Variants in HEATR6 observed in about 807,000 individuals in gnomAD.
The protein encoded by HEATR6 is HEAT repeat-containing protein 6.
A neutral mutation model predicts 132.8 loss-of-function variants in HEATR6; 106 were observed. The ratio of observed to expected loss-of-function variants is 0.80; its 90% CI spans 0.68 to 0.94. The LOEUF is 0.94. HEATR6 is among the 40% of genes least tolerant of loss of function. The probability of loss-of-function intolerance (pLI) is 0.00; values close to 1 mark genes in which losing one functional copy is unlikely to be tolerated. For synonymous variants in HEATR6, 529 were observed against 537.8 expected, an observed-to-expected ratio of 0.98 and a Z score of 0.23; for missense variants, 1,339 against 1,425.1, an observed-to-expected ratio of 0.94 and a Z score of 0.97.
In HEATR6 at chr17:60,056,150, C is replaced by G. The variant is rs763662691; in HGVS notation, c.2167G>C (p.Glu723Gln). Residue 723 changes from glutamate (E) to glutamine (Q), a missense_variant, in exon 13 of 20, where the codon GAA (glutamate) becomes CAA (glutamine). Glu to Gln is a conservative substitution (Grantham distance 29, BLOSUM62 2). Transcript: ENST00000184956. Reference sequence around the variant, plus strand: ...TGAAGCTGAATGGATGGATCTGCTTCCCCCATGCACTTGCAAATCACCTCT... The same window carrying G: ...TGAAGCTGAATGGATGGATCTGCTTGCCCCATGCACTTGCAAATCACCTCT... ...LGEVICKCMG[E>Q]ADPSIQLHGA... The G allele has an allele frequency of 3.1e-6, 5 of 1,614,050 alleles. No homozygotes were observed. In the Middle Eastern group the frequency reaches 8.2e-4, roughly 266 times the overall value.
rs769447556 is a variant in HEATR6, at chr17:60,057,163, C to G, written c.1964G>C (p.Arg655Pro). The G allele has an allele frequency of 6.2e-7, 1 of 1,614,134 alleles. No individual in the cohort carries two copies. Among genetic ancestry groups the G allele is most frequent in the Admixed American group, 1.7e-5 (1 of 60,014 alleles). ...CAGTACGACAATGGAAATGCAGAGTCGAATGAGCCAGCAGGGCTCTGAAGA... is the reference window on the plus strand; with the variant it reads ...CAGTACGACAATGGAAATGCAGAGTGGAATGAGCCAGCAGGGCTCTGAAGA... ...KGSSEPCWLI[R>P]LCISIVVLPK... Residue 655 changes from arginine to proline, a missense_variant, in exon 12 of 20, where the codon CGA (arginine) becomes CCA (proline). Arg to Pro is a moderately radical substitution (Grantham distance 103). Transcript: ENST00000184956.
Position 60,057,125 on chromosome 17 carries a change from A to T in HEATR6, c.2002T>A (p.Ser668Thr). ...GAGCCAGCATCGCTACCTGAACAGG[A>T]ATCCTCCTTGGGCAGTACGACAATG... ...ISIVVLPKED[S>T]CSGSDAGSAA... is the part of the protein sequence containing the mutation. The change falls in exon 12 of 20, where the codon TCC (serine) becomes ACC (threonine). Residue 668 changes from serine to threonine, a missense_variant. Physicochemically the swap from Ser to Thr is moderately conservative, Grantham distance 58 (BLOSUM62 1). Transcript: ENST00000184956. 1 of 1,614,162 alleles carries T rather than the reference A, an allele frequency of 6.2e-7. No individual in the cohort carries two copies. The highest frequency in any genetic ancestry group is 8.5e-7 in the Non-Finnish European group (1 of 1,180,020).
chr17:60,063,259 G>A (rs7212702), intron 9 of HEATR6: 18,292 of 151,994 alleles, frequency 0.12, 1,625 homozygotes, highest in African/African-American at 0.25. Context: ...ATAGTTATCT[G>A]AAACAGCAAT....
Position 60,059,929 on chromosome 17 carries a change from C to A in HEATR6, c.1584G>T (p.Val528=). Residue 528 remains valine, a synonymous_variant, in exon 10 of 20, where the codon GTG becomes GTT. Transcript: ENST00000184956. ...TAACGGTCTGTGAGGATGACTCCGCCACCAAAGCTAACAAAAGACATCTGT... is the reference window on the plus strand; with the variant it reads ...TAACGGTCTGTGAGGATGACTCCGCAACCAAAGCTAACAAAAGACATCTGT... ...ELHRCLLLAL[V]AESSSQTVTQ... 3.1e-6 allele frequency: 5 copies of A among 1,613,782 alleles called. No individual in the cohort carries two copies. The highest frequency in any genetic ancestry group is 4.2e-6 in the Non-Finnish European group (5 of 1,179,798).
At chr17:60,044,185 G>C in intron 19 of HEATR6, 51 bp from the exon 20 acceptor site, 1 of 1,413,076 alleles carries the variant, frequency 7.1e-7, no homozygotes, top group Non-Finnish European at 9.8e-7. Context: ...GAACTAGGTG[G>C]GGTGAGAGGG....
chr17:60,055,670 T>C (rs1906719174), intron 13 of HEATR6, 69 bp from the exon 14 acceptor site: 2 of 1,061,712 alleles, frequency 1.9e-6, no homozygotes, highest in South Asian at 2.8e-5. Flanking sequence ...AGTAACACCT[T>C]CACTCTAGTA....
rs2083277757 is a variant in HEATR6 at position 60,073,065 on chromosome 17, C to T, written c.584+99G>A. 5 of 648,676 alleles carry T rather than the reference C, an allele frequency of 7.7e-6. No individual in the cohort carries two copies. In the East Asian group the frequency reaches 1.0e-4, roughly 14 times the overall value. 40.2% of individuals were successfully genotyped at this position (648,676 alleles called of 1,614,324 possible). ...GGGAAATGCAAAGTTAGTTATTTGT[C>T]TAAGTTGGCTCTGGCTTCAGGCACA... On this transcript the variant is annotated intron_variant, in intron 4 of 19. Transcript: ENST00000184956.
intron 13 of HEATR6, 89 bp from the exon 14 acceptor site, chr17:60,055,690 C>G: frequency 1.2e-6 from 1 of 807,996 alleles, no homozygotes; most frequent in South Asian, 1.7e-5. Flanking sequence ...AACACCTTCA[C>G]TCTAGTAACA....
intron 10 of HEATR6, 72 bp from the exon 11 acceptor site, chr17:60,059,593 T>C (rs1470116839): frequency 9.3e-7 from 1 of 1,072,976 alleles, no homozygotes; most frequent in Admixed American, 2.4e-5. Context: ...TTGCAGCATT[T>C]AATTAAAAAA....
Position 60,073,193 on chromosome 17 carries a change from T to C in HEATR6, c.555A>G (p.Ala185=), listed in dbSNP as rs764110769. ...GACATAAGTTTGCCATACAATGTAC[T>C]GCAGCTCTCCTGACTTCAGGATCAG... The part of the protein sequence containing the change: ...AQSDPEVRRA[A]VHCMANLCLS... The change falls in exon 4 of 20, where the codon GCA becomes GCG. Residue 185 remains alanine, a synonymous_variant. Coordinates refer to ENST00000184956, the MANE Select transcript of HEATR6 (RefSeq NM_022070.5). 35 of 1,611,674 alleles carry C rather than the reference T, an allele frequency of 2.2e-5. 1 individual carries two copies. The Admixed American group carries it at 2.5e-4, about 12-fold the overall frequency.
intron 14 of HEATR6, among the ~76,000 whole-genome samples, chr17:60,054,484 A>C (rs1443306963): frequency 6.6e-6 from 1 of 152,252 alleles, no homozygotes; most frequent in Non-Finnish European, 1.5e-5. Context: ...TACACCTAGC[A>C]AAGCCAGAAG....
In HEATR6 at chr17:60,069,701, A is replaced by G. The variant is rs766294064; in HGVS notation, c.939+10T>C. On this transcript the variant is annotated intron_variant, in intron 7 of 19. Coordinates refer to ENST00000184956, the MANE Select transcript of HEATR6 (RefSeq NM_022070.5). ...AGCCACAACTTAAATCTAAATAAAC[A>G]TAAATGTACCAAAGTTGGTCGAGAA... 20 of 1,612,852 alleles carry G rather than the reference A, an allele frequency of 1.2e-5. No individual in the cohort carries two copies. The highest frequency in any genetic ancestry group is 8.4e-5 in the Admixed American group (5 of 59,846).
At chr17:60,064,726 A>G (rs376443606) in intron 9 of HEATR6, 1 of 152,230 alleles carries the variant, frequency 6.6e-6, no homozygotes, top group African/African-American at 2.4e-5. Context: ...CAAGTCTAAA[A>G]GGTACCTAAA....
At chr17:60,073,313 A>G in intron 3 of HEATR6, 34 bp from the exon 4 acceptor site, 1 of 1,221,834 alleles carries the variant, frequency 8.2e-7, no homozygotes, top group Non-Finnish European at 1.2e-6. Flanking sequence ...AGGTCAAAGA[A>G]AAGCTTCTAG....
intron 10 of HEATR6, 57 bp downstream of exon 10, chr17:60,059,833 C>T: frequency 8.0e-7 from 1 of 1,257,170 alleles, no homozygotes; most frequent in Non-Finnish European, 1.2e-6. Context: ...CTATGTAAAA[C>T]AGTATACAAA....
At chr17:60,048,182 T>G in intron 17 of HEATR6, 82 bp downstream of exon 17, 1 of 1,453,142 alleles carries the variant, frequency 6.9e-7, no homozygotes, top group East Asian at 2.3e-5. Flanking sequence ...TACTGCTGAT[T>G]CTTTCATGGT....
At chr17:60,073,688 T>G in intron 3 of HEATR6, 58 bp downstream of exon 3, 1 of 1,533,146 alleles carries the variant, frequency 6.5e-7, no homozygotes, top group Non-Finnish European at 8.9e-7. Context: ...AACACAGTGT[T>G]GGCACCAGAG....
In HEATR6 at chr17:60,049,588, G is replaced by A. The variant is rs1335184319; in HGVS notation, c.2539C>T (p.Leu847Phe). Reference sequence around the variant, plus strand: ...AATAGGCTCACTCTGACCTGTCTGAGACAGGGAAAAAGCACATAGACTCCC... The same window carrying A: ...AATAGGCTCACTCTGACCTGTCTGAAACAGGGAAAAAGCACATAGACTCCC... ...ALGVYVLFPC[L>F]RQDVIFVADA... The change falls in exon 16 of 20, where the codon CTC (leucine) becomes TTC (phenylalanine). Residue 847 changes from leucine (L) to phenylalanine (F), a missense_variant. Transcript: ENST00000184956. 1 of 1,613,702 alleles carries A rather than the reference G, an allele frequency of 6.2e-7. No individual in the cohort carries two copies. The highest frequency in any genetic ancestry group is 8.5e-7 in the Non-Finnish European group (1 of 1,179,794).
chr17:60,072,769 G>A (rs1489533012), intron 4 of HEATR6, among the ~76,000 whole-genome samples: 2 of 152,198 alleles, frequency 1.3e-5, no homozygotes, highest in Non-Finnish European at 2.9e-5. Context: ...AATCGAGGGT[G>A]AGCAGCTGGG....
Sources: gnomAD v4.1 joint callset for allele counts (sites outside exome capture counted in the v4.1 genomes callset) on GRCh38, gnomAD v4.1.1 for gene constraint, MANE v1.5 for transcripts, NCBI Gene and HGNC (gene_info 2026-07-23, HGNC 2026-07-21) for gene names.